The following LRP6 variants were observed in gnomAD, a reference collection of about 807,000 sequenced individuals.
The protein encoded by LRP6 is low-density lipoprotein receptor-related protein 6.
A neutral mutation model predicts 184.1 loss-of-function variants in LRP6; 43 were observed. That is an observed-to-expected ratio of 0.23 (90% CI 0.18 to 0.30). The LOEUF (loss-of-function observed/expected upper bound fraction) is 0.30. Among genes scored for constraint, LRP6 ranks in the 10% least tolerant of loss-of-function variants. LRP6 has a pLI of 1.00. For missense variants in LRP6, 1,571 were observed against 2,005.3 expected (o/e 0.78, Z 4.14); for synonymous variants, 719 against 684.9 (o/e 1.05, Z -0.78).
At chr12:12,150,294 A>T (rs1445303327) in intron 13 of LRP6, among the ~76,000 whole-genome samples, 1 of 152,122 alleles carries the variant, frequency 6.6e-6, no homozygotes, top group East Asian at 1.9e-4. Context: ...AAAAAAACCC[A>T]CTGGATTAAT....
chr12:12,138,140 C>T (rs1949871648), intron 16 of LRP6, among the ~76,000 whole-genome samples, 185 bp downstream of exon 16: 1 of 151,152 alleles, frequency 6.6e-6, no homozygotes, highest in African/African-American at 2.4e-5. Context: ...CACTGCACTC[C>T]AGCCTGGGCG....
chr12:12,258,035 A>G (rs544813815), intron 1 of LRP6, among the ~76,000 whole-genome samples: 2 of 152,212 alleles, frequency 1.3e-5, no homozygotes, highest in African/African-American at 4.8e-5. Flanking sequence ...AACACGTTAC[A>G]TAGTCCACAC....
intron 4 of LRP6, among the ~76,000 whole-genome samples, chr12:12,185,240 AGGGAGC>A (rs2137000634): frequency 6.6e-6 from 1 of 152,314 alleles, no homozygotes; most frequent in Admixed American, 6.5e-5. Flanking sequence ...TCGAGGCTGC[AGGGAGC>A]CGTGATCACA....
chr12:12,126,349 G>GTACATAGTACTAAGTACATA (rs1949670969), intron 20 of LRP6, among the ~76,000 whole-genome samples: 1 of 152,152 alleles, frequency 6.6e-6, no homozygotes, highest in Non-Finnish European at 1.5e-5. Context: ...CATAGTACTA[G>GTACATAGTACTAAGTACATA]AGTTCCCTGG....
intron 1 of LRP6, among the ~76,000 whole-genome samples, chr12:12,257,396 T>C (rs1370294015): frequency 1.3e-5 from 2 of 151,294 alleles, no homozygotes; most frequent in African/African-American, 4.9e-5. Flanking sequence ...GCTAACACGG[T>C]AAAACCCCGT....
intron 10 of LRP6, 129 bp downstream of exon 10, chr12:12,162,064 C>A: frequency 4.1e-6 from 3 of 733,448 alleles, no homozygotes; most frequent in South Asian, 3.5e-5. Flanking sequence ...TTTAAAAGTT[C>A]ATCTATCATT....
At chr12:12,252,995 T>G (rs1055663450) in intron 1 of LRP6, among the ~76,000 whole-genome samples, 1 of 152,218 alleles carries the variant, frequency 6.6e-6, no homozygotes, top group Non-Finnish European at 1.5e-5. Flanking sequence ...CTGGGCGCAG[T>G]TGCTCACACC....
intron 4 of LRP6, among the ~76,000 whole-genome samples, chr12:12,185,826 TTG>T (rs35641659): frequency 4.0e-5 from 6 of 148,786 alleles, no homozygotes; most frequent in African/African-American, 2.4e-5. Flanking sequence ...AGAGGCGTTT[TTG>T]TGTGTGTGTG....
intron 2 of LRP6, among the ~76,000 whole-genome samples, chr12:12,212,266 G>A (rs188904987): frequency 1.6e-4 from 25 of 152,226 alleles, no homozygotes; most frequent in Non-Finnish European, 3.2e-4. Flanking sequence ...TCACCTGCTC[G>A]TGAGACCTCT....
At chr12:12,225,880 A>AT in intron 2 of LRP6, among the ~76,000 whole-genome samples, 1 of 152,142 alleles carries the variant, frequency 6.6e-6, no homozygotes, top group East Asian at 1.9e-4. Flanking sequence ...TCAAAAAAAA[A>AT]AAAAAAGAGA....
chr12:12,136,180 C>G (rs1565543851), intron 16 of LRP6, among the ~76,000 whole-genome samples: 1 of 151,906 alleles, frequency 6.6e-6, no homozygotes, highest in East Asian at 1.9e-4. Context: ...GAGCAAGACT[C>G]CATCTCTACA....
chr12:12,159,287 A>G lies in LRP6; in HGVS notation c.2465-132T>C, dbSNP rs1862682171. 3 of 704,510 alleles carry G rather than the reference A, an allele frequency of 4.3e-6. No homozygotes were observed. The Admixed American group carries it at 8.2e-5, about 19-fold the overall frequency. The allele number at this position is 704,510 out of a possible 1,614,324, so 43.6% of individuals were successfully genotyped here. ...CATTACATTGTAAGCAATTTAAAAT[A>G]GAAAAATTCATTTAAAAGCAATTCT... On this transcript the variant is annotated intron_variant, in intron 11 of 22. Coordinates refer to ENST00000261349, the MANE Select transcript of LRP6 (RefSeq NM_002336.3).
intron 19 of LRP6, among the ~76,000 whole-genome samples, chr12:12,127,211 A>G (rs989680614): frequency 2.6e-5 from 4 of 152,272 alleles, no homozygotes; most frequent in Non-Finnish European, 5.9e-5. Flanking sequence ...AATGAAGTAC[A>G]GATTTAAACA....
At chr12:12,157,780 C>T (rs1862634832) in intron 12 of LRP6, among the ~76,000 whole-genome samples, 2 of 152,154 alleles carry the variant, frequency 1.3e-5, no homozygotes, top group South Asian at 4.1e-4. Context: ...CCATAATCTA[C>T]TCTTTCTGAT....
chr12:12,200,432 GC>G (rs1257440325), intron 3 of LRP6, among the ~76,000 whole-genome samples: 1 of 152,076 alleles, frequency 6.6e-6, no homozygotes, highest in Non-Finnish European at 1.5e-5. Flanking sequence ...CTACCCGGGG[GC>G]CCTTTTCTTC....
intron 1 of LRP6, among the ~76,000 whole-genome samples, chr12:12,247,489 G>A (rs1017431267): frequency 3.9e-5 from 6 of 152,102 alleles, no homozygotes; most frequent in Admixed American, 1.3e-4. Context: ...TCCTGAAAAC[G>A]GGTGAAGGAG....
At chr12:12,167,004 C>A (rs1862895189) in intron 7 of LRP6, among the ~76,000 whole-genome samples, 1 of 152,110 alleles carries the variant, frequency 6.6e-6, no homozygotes, top group African/African-American at 2.4e-5. Context: ...GAGGCTAAAG[C>A]AGGCAGATTG....
chr12:12,186,140 C>G (rs1863468528), intron 4 of LRP6, among the ~76,000 whole-genome samples: 1 of 152,092 alleles, frequency 6.6e-6, no homozygotes. Flanking sequence ...AGCCACCGCG[C>G]CTGGCCCAAG....
chr12:12,264,159 G>A (rs1299928495), intron 1 of LRP6, among the ~76,000 whole-genome samples: 3 of 151,816 alleles, frequency 2.0e-5, no homozygotes, highest in Admixed American at 1.3e-4. Flanking sequence ...AAAAAAAATT[G>A]TGAACGTTAT....
Sources: allele counts gnomAD v4.1 joint callset (sites outside exome capture counted in the v4.1 genomes callset), GRCh38; gene constraint gnomAD v4.1.1; transcripts MANE v1.5; gene names NCBI Gene and HGNC (gene_info 2026-07-23, HGNC 2026-07-21).